The following GARIN1A variants were observed in gnomAD, a reference collection of about 807,000 sequenced individuals.
GARIN1A encodes golgi associated RAB2 interactor 1A, also known as Golgi-associated RAB2 interactor protein 1A.
At chr7:128,684,906 C>CT in the GARIN1A span, 3,573 of 142,002 alleles carry the variant, frequency 0.025, 58 homozygotes, top group South Asian at 0.052. Flanking sequence ...ACCATGACTC[C>CT]TTTTTTTTTT....
chr7:128,680,723 C>T, the GARIN1A span, among the ~76,000 whole-genome samples: 1 of 152,114 alleles, frequency 6.6e-6, no homozygotes, highest in African/African-American at 2.4e-5. Context: ...CGCCACCACA[C>T]CCGGCTAATT....
chr7:128,675,769 A>G, the GARIN1A span: 25 of 1,613,604 alleles, frequency 1.5e-5, no homozygotes, highest in South Asian at 7.7e-5. Flanking sequence ...CCACTCCCCA[A>G]TGTCCTCCTG....
the GARIN1A span, among the ~76,000 whole-genome samples, chr7:128,689,832 G>A: frequency 1.3e-5 from 2 of 151,492 alleles, no homozygotes; most frequent in Non-Finnish European, 2.9e-5. Flanking sequence ...CGGGAGGTGG[G>A]GGGCACCTCT....
At chr7:128,696,864 C>G in the GARIN1A span, among the ~76,000 whole-genome samples, 1 of 152,150 alleles carries the variant, frequency 6.6e-6, no homozygotes, top group African/African-American at 2.4e-5. Flanking sequence ...GCCACTCTGA[C>G]CATTCTGGCA....
the GARIN1A span, among the ~76,000 whole-genome samples, chr7:128,674,269 A>G: frequency 1.3e-5 from 2 of 152,100 alleles, no homozygotes; most frequent in African/African-American, 4.8e-5. Context: ...CCCGCACAGA[A>G]AAGTTCAAAG....
At chr7:128,672,475 T>C in the GARIN1A span, 2 of 1,609,062 alleles carry the variant, frequency 1.2e-6, no homozygotes, top group Non-Finnish European at 1.7e-6. Flanking sequence ...AAAATGGCCT[T>C]CTTTGTCAAC....
At chr7:128,678,836 T>C in the GARIN1A span, among the ~76,000 whole-genome samples, 3 of 151,736 alleles carry the variant, frequency 2.0e-5, no homozygotes, top group African/African-American at 7.3e-5. Flanking sequence ...TTACTGTGTA[T>C]CTTATTACAA....
chr7:128,677,504 CAAAA>C, the GARIN1A span: 5 of 1,271,448 alleles, frequency 3.9e-6, no homozygotes, highest in Admixed American at 4.0e-5. Flanking sequence ...GACTCCGTCT[CAAAA>C]AAAAAAAAAA....
At chr7:128,698,649 G>C in the GARIN1A span, among the ~76,000 whole-genome samples, 2 of 152,056 alleles carry the variant, frequency 1.3e-5, no homozygotes, top group Non-Finnish European at 2.9e-5. Context: ...GCCTAGACTG[G>C]AGTGCAGTGG....
the GARIN1A span, among the ~76,000 whole-genome samples, chr7:128,701,341 AGGGGGAG>A: frequency 4.3e-5 from 2 of 46,674 alleles, no homozygotes; most frequent in African/African-American, 9.0e-5. Flanking sequence ...AGGGGAGGGG[AGGGGGAG>A]GGGAGGGGAA....
At chr7:128,678,479 A>G in the GARIN1A span, among the ~76,000 whole-genome samples, 1 of 152,228 alleles carries the variant, frequency 6.6e-6, no homozygotes, top group African/African-American at 2.4e-5. Context: ...TTCCATAAAT[A>G]TCATACCAAA....
the GARIN1A span, among the ~76,000 whole-genome samples, chr7:128,679,045 G>A: frequency 4.0e-5 from 6 of 150,068 alleles, no homozygotes; most frequent in African/African-American, 1.2e-4. Flanking sequence ...TGTAACAATC[G>A]TTACATTGTT....
chr7:128,697,008 T>TTG, the GARIN1A span, among the ~76,000 whole-genome samples: 1 of 152,144 alleles, frequency 6.6e-6, no homozygotes, highest in African/African-American at 2.4e-5. Context: ...ACTTTGGGGT[T>TTG]TGTGTGTGTG....
chr7:128,688,711 C>A, the GARIN1A span, among the ~76,000 whole-genome samples: 17 of 151,482 alleles, frequency 1.1e-4, no homozygotes, highest in African/African-American at 4.1e-4. Context: ...CTACTCCTCT[C>A]TGCCCCCATT....
the GARIN1A span, among the ~76,000 whole-genome samples, chr7:128,707,241 TGTG>T: frequency 6.6e-6 from 1 of 151,760 alleles, no homozygotes; most frequent in Non-Finnish European, 1.5e-5. Flanking sequence ...TGTGTGTGTG[TGTG>T]TGTGTGAAGA....
the GARIN1A span, among the ~76,000 whole-genome samples, chr7:128,697,172 G>A: frequency 1.3e-5 from 2 of 152,196 alleles, no homozygotes; most frequent in African/African-American, 2.4e-5. Flanking sequence ...TCTGAGTGGG[G>A]CTTGGAGGGA....
At chr7:128,702,092 A>C in the GARIN1A span, among the ~76,000 whole-genome samples, 1 of 152,134 alleles carries the variant, frequency 6.6e-6, no homozygotes, top group African/African-American at 2.4e-5. Context: ...AGAGGTAAAA[A>C]ACCTTTCCCA....
At chr7:128,706,848 A>G in the GARIN1A span, among the ~76,000 whole-genome samples, 1 of 152,160 alleles carries the variant, frequency 6.6e-6, no homozygotes, top group African/African-American at 2.4e-5. Flanking sequence ...CACAGCAGGC[A>G]GTAAGGCAGC....
chr7:128,676,098 C>T, the GARIN1A span, among the ~76,000 whole-genome samples: 4 of 149,702 alleles, frequency 2.7e-5, no homozygotes, highest in African/African-American at 9.9e-5. Context: ...CGGCTCACTG[C>T]AAGCCCCGCC....
Sources: gnomAD v4.1 joint callset for allele counts (sites outside exome capture counted in the v4.1 genomes callset) on GRCh38, gnomAD v4.1.1 for gene constraint, MANE v1.5 for transcripts, NCBI Gene and HGNC (gene_info 2026-07-23, HGNC 2026-07-21) for gene names.